The following BRAF variants were observed in gnomAD, a reference collection of about 807,000 sequenced individuals.
The protein encoded by BRAF is serine/threonine-protein kinase B-raf.
A neutral mutation model predicts 104.6 loss-of-function variants in BRAF; 16 were observed. That is an observed-to-expected ratio of 0.15 (90% CI 0.10 to 0.23). BRAF has a LOEUF of 0.23. Ranked by LOEUF, BRAF falls within the 10% of genes least tolerant of loss-of-function variation. The pLI, the probability that BRAF is intolerant of heterozygous loss-of-function variation, is 1.00. For missense variants in BRAF, 541 were observed against 937.3 expected (o/e 0.58, Z 5.52); for synonymous variants, 310 against 341.6 (o/e 0.91, Z 1.02).
intron 1 of BRAF, among the ~76,000 whole-genome samples, chr7:140,872,216 AAAATAAAT>A (rs143275817): frequency 7.7e-6 from 1 of 130,112 alleles, no homozygotes; most frequent in East Asian, 2.3e-4. Context: ...ACTCCATCTC[AAAATAAAT>A]AAATAAATAA....
intron 18 of BRAF, among the ~76,000 whole-genome samples, chr7:140,737,864 T>C (rs899154957): frequency 1.3e-5 from 2 of 152,252 alleles, no homozygotes; most frequent in Non-Finnish European, 2.9e-5. Flanking sequence ...AGTTCACATA[T>C]GCACTTCAGT....
intron 7 of BRAF, among the ~76,000 whole-genome samples, chr7:140,796,202 T>G (rs944939907): frequency 2.0e-5 from 3 of 151,884 alleles, no homozygotes; most frequent in African/African-American, 7.3e-5. Context: ...AATACAAAAA[T>G]TAGCTGGGTG....
intron 2 of BRAF, among the ~76,000 whole-genome samples, chr7:140,841,925 G>T (rs1808010450): frequency 6.6e-6 from 1 of 152,062 alleles, no homozygotes; most frequent in Non-Finnish European, 1.5e-5. Context: ...AATGTAATGA[G>T]AAAAAGCAGC....
intron 17 of BRAF, chr7:140,747,407 T>C: frequency 7.8e-7 from 1 of 1,288,370 alleles, no homozygotes. Context: ...GAGTAAGCCC[T>C]TGCCACATCA....
At chr7:140,776,192 A>G (rs541850655) in intron 14 of BRAF, among the ~76,000 whole-genome samples, 1 of 152,366 alleles carries the variant, frequency 6.6e-6, no homozygotes, top group South Asian at 2.1e-4. Flanking sequence ...AGTGAAAGCA[A>G]TTTGTAAAAA....
Position 140,772,077 on chromosome 7 carries a change from T to C in BRAF, c.1814+4835A>G, listed in dbSNP as rs187835121. ...AATTCCATCTGTGCCATTTGATCCATGGGAATAGATAGGGGGAAATTAAAA... is the reference window on the plus strand; with the variant it reads ...AATTCCATCTGTGCCATTTGATCCACGGGAATAGATAGGGGGAAATTAAAA... On this transcript the variant is annotated intron_variant, in intron 14 of 19. Transcript: ENST00000644969. Among the ~76,000 whole-genome samples the C allele has an allele frequency of 6.4e-3, 966 of 151,856 alleles. 3 individuals carry two copies. The highest frequency in any genetic ancestry group is 0.011 in the Non-Finnish European group (715 of 67,944).
intron 1 of BRAF, among the ~76,000 whole-genome samples, chr7:140,912,006 AT>A (rs1449097701): frequency 6.6e-6 from 1 of 152,220 alleles, no homozygotes; most frequent in Non-Finnish European, 1.5e-5. Context: ...AACTCATAAA[AT>A]AACTTAATAT....
chr7:140,893,968 C>CA (rs936929551), intron 1 of BRAF, among the ~76,000 whole-genome samples: 2 of 151,850 alleles, frequency 1.3e-5, no homozygotes, highest in African/African-American at 4.8e-5. Context: ...CCTGCCTCTA[C>CA]AAAAAAATGC....
chr7:140,804,012 G>A (rs1803395709), intron 5 of BRAF, among the ~76,000 whole-genome samples: 1 of 151,976 alleles, frequency 6.6e-6, no homozygotes, highest in Non-Finnish European at 1.5e-5. Flanking sequence ...AGCCTCCCAA[G>A]TAGCTGGGGA....
intron 3 of BRAF, among the ~76,000 whole-genome samples, chr7:140,826,697 A>C (rs1196695243): frequency 6.6e-6 from 1 of 152,214 alleles, no homozygotes; most frequent in Non-Finnish European, 1.5e-5. Context: ...ATCTCAAAAA[A>C]GCGTGGGTTT....
At chr7:140,908,845 CA>C (rs1234936813) in intron 1 of BRAF, among the ~76,000 whole-genome samples, 1 of 135,844 alleles carries the variant, frequency 7.4e-6, no homozygotes, top group African/African-American at 2.5e-5. Flanking sequence ...CCACCAAAAC[CA>C]AAGCCCAACT....
intron 14 of BRAF, among the ~76,000 whole-genome samples, chr7:140,769,691 T>C (rs1799655488): frequency 1.3e-5 from 2 of 152,194 alleles, no homozygotes; most frequent in African/African-American, 4.8e-5. Context: ...CTGATGAACA[T>C]GTTTCCAATT....
intron 1 of BRAF, among the ~76,000 whole-genome samples, chr7:140,910,089 G>A (rs748779354): frequency 4.6e-5 from 7 of 152,004 alleles, no homozygotes; most frequent in African/African-American, 1.5e-4. Flanking sequence ...AAATACCTCC[G>A]AGTATTTCAT....
intron 3 of BRAF, among the ~76,000 whole-genome samples, chr7:140,819,880 A>C (rs1805293020): frequency 6.6e-6 from 1 of 152,218 alleles, no homozygotes; most frequent in South Asian, 2.1e-4. Context: ...GGATGAAAAA[A>C]TATTTTTAAA....
intron 19 of BRAF, among the ~76,000 whole-genome samples, chr7:140,729,427 CT>C (rs1281186751): frequency 6.6e-6 from 1 of 152,058 alleles, no homozygotes; most frequent in Non-Finnish European, 1.5e-5. Flanking sequence ...GGTGGATCAT[CT>C]GAGGCCAGGA....
chr7:140,831,172 T>C (rs1433215630), intron 3 of BRAF, among the ~76,000 whole-genome samples: 2 of 152,266 alleles, frequency 1.3e-5, no homozygotes, highest in East Asian at 1.9e-4. Context: ...GAGAACCCAG[T>C]TGATTATCTA....
intron 19 of BRAF, chr7:140,732,586 A>G (rs1181961984): frequency 6.6e-6 from 1 of 152,208 alleles, no homozygotes; most frequent in Non-Finnish European, 1.5e-5. Flanking sequence ...TTTACTGGCT[A>G]CAGAATGGAA....
chr7:140,772,679 G>A (rs1252416059), intron 14 of BRAF, among the ~76,000 whole-genome samples: 2 of 152,064 alleles, frequency 1.3e-5, no homozygotes, highest in African/African-American at 4.8e-5. Flanking sequence ...TGACACTAGA[G>A]AAGAAAACAG....
rs377192331 is a variant in BRAF, at chr7:140,842,613, T to C, written c.240+7498A>G. On this transcript the variant is annotated intron_variant, in intron 2 of 19. Coordinates refer to ENST00000644969, the MANE Select transcript of BRAF (RefSeq NM_001374258.1). ...ATCTTACACATAGAAGGCATTCCAA[T>C]AATTTGTTGGATAAATGAATATGGA... 1.4e-4 allele frequency among the ~76,000 whole-genome samples: 22 copies of C among 152,272 alleles called. 1 individual carries two copies. Among genetic ancestry groups the C allele is most frequent in the East Asian group, 1.4e-3 (7 of 5,180 alleles).
Sources: allele counts gnomAD v4.1 joint callset (sites outside exome capture counted in the v4.1 genomes callset), GRCh38; gene constraint gnomAD v4.1.1; transcripts MANE v1.5; gene names NCBI Gene and HGNC (gene_info 2026-07-23, HGNC 2026-07-21).